RNF115: variants seen among roughly 807,000 people sequenced by gnomAD.
The protein encoded by RNF115 is ring finger protein 115, also known as E3 ubiquitin-protein ligase RNF115.
RNF115 carries 31 observed loss-of-function variants against 39.2 expected under a neutral mutation model. The observed-to-expected ratio is 0.79, with a 90% CI of 0.59 to 1.07. The LOEUF is 1.07. RNF115 is among the 50% of genes least tolerant of loss of function. The pLI is 0.00. For synonymous variants in RNF115, 124 were observed against 131.0 expected, an observed-to-expected ratio of 0.95 and a Z score of 0.37; for missense variants, 384 against 381.7, an observed-to-expected ratio of 1.01 and a Z score of -0.05.
At chr1:145,766,604 G>A (rs1647288992) in intron 4 of RNF115, among the ~76,000 whole-genome samples, 1 of 151,292 alleles carries the variant, frequency 6.6e-6, no homozygotes, top group Non-Finnish European at 1.5e-5. Context: ...CCCGGACGGG[G>A]CGGCTGGCCG....
At chr1:145,760,835 C>T (rs1342151272) in intron 4 of RNF115, among the ~76,000 whole-genome samples, 1 of 152,166 alleles carries the variant, frequency 6.6e-6, no homozygotes, top group Non-Finnish European at 1.5e-5. Context: ...GTTTGAAGGG[C>T]TCAGAAGAAG....
intron 2 of RNF115, among the ~76,000 whole-genome samples, chr1:145,787,891 AAAAAAAG>A (rs587656377): frequency 4.5e-4 from 69 of 152,294 alleles, no homozygotes; most frequent in African/African-American, 1.6e-3. Context: ...CTGTCTCAAA[AAAAAAAG>A]AAAAAAGAAA....
intron 3 of RNF115, chr1:145,772,157 C>A: frequency 2.4e-6 from 1 of 424,152 alleles, no homozygotes; most frequent in East Asian, 4.2e-5. Context: ...TTTAAACACC[C>A]ACCAAGTGTT....
At chr1:145,786,276 A>G (rs782728590) in intron 2 of RNF115, among the ~76,000 whole-genome samples, 3 of 152,300 alleles carry the variant, frequency 2.0e-5, no homozygotes, top group Admixed American at 2.0e-4. Flanking sequence ...CCATTATCTA[A>G]TATTTACATG....
chr1:145,775,392 T>TGGG (rs770661577), intron 3 of RNF115, among the ~76,000 whole-genome samples: 1 of 150,420 alleles, frequency 6.6e-6, no homozygotes, highest in Non-Finnish European at 1.5e-5. Flanking sequence ...TTTGTGAATG[T>TGGG]GGCCTTTTTT....
At chr1:145,782,457 A>T (rs374381540) in intron 3 of RNF115, among the ~76,000 whole-genome samples, 15 of 149,480 alleles carry the variant, frequency 1.0e-4, no homozygotes, top group African/African-American at 3.5e-4. Context: ...TCTCTTAAAA[A>T]CACACACACA....
At chr1:145,812,637 G>A (rs1553722844) in intron 1 of RNF115, among the ~76,000 whole-genome samples, 2 of 149,862 alleles carry the variant, frequency 1.3e-5, no homozygotes, top group Non-Finnish European at 3.0e-5. Flanking sequence ...TCCAGCCTGG[G>A]TGACAGAGTG....
At chr1:145,747,904 TA>T in intron 8 of RNF115, 90 bp downstream of exon 8, 1 of 903,758 alleles carries the variant, frequency 1.1e-6, no homozygotes. Context: ...ATTTATGGGA[TA>T]AAATCTGATC....
rs1278648265 is a variant in RNF115 at position 145,744,884 on chromosome 1, T to C, written c.*1982A>G. The C allele has an allele frequency of 6.6e-6, 1 of 152,156 alleles. No individual in the cohort carries two copies. Among genetic ancestry groups the C allele is most frequent in the Non-Finnish European group, 1.5e-5 (1 of 68,032 alleles). The allele number at this position is 152,156 out of a possible 1,614,324, so 9.4% of individuals were successfully genotyped here. ...ATTTATCCAATGTTAAACACTTGAA[T>C]GCTACAAAGAGCATGTGCATGGGAC... On this transcript the variant is annotated 3_prime_UTR_variant, in exon 9 of 9. Transcript: ENST00000582693.
intron 6 of RNF115, 56 bp from the exon 7 acceptor site, chr1:145,750,556 G>GCAGTTCCCTCTCC: frequency 5.3e-6 from 7 of 1,332,822 alleles, no homozygotes; most frequent in Non-Finnish European, 7.5e-6. Flanking sequence ...TATCCCTGGA[G>GCAGTTCCCTCTCC]AGGGAACTGC....
Position 145,751,455 on chromosome 1 carries a change from C to CA in RNF115, c.555dup (p.Asp186Ter). 1 of 1,588,794 alleles carries CA rather than the reference C, an allele frequency of 6.3e-7. No homozygotes were observed. The highest frequency in any genetic ancestry group is 8.6e-7 in the Non-Finnish European group (1 of 1,166,964). ...CTCCTCACCTGGGTTACAATGGCAT[C>CA]AAGCCCTGTCTGACCCCAGGCATAG... On this transcript the variant is annotated frameshift_variant, in exon 6 of 9. Transcript: ENST00000582693. LOFTEE classifies it high-confidence loss of function.
At chr1:145,823,485 G>A (rs1650391920) in intron 1 of RNF115, among the ~76,000 whole-genome samples, 1 of 133,388 alleles carries the variant, frequency 7.5e-6, no homozygotes, top group East Asian at 2.3e-4. Flanking sequence ...TGAGGGGAGA[G>A]TTATCAGAGG....
chr1:145,762,012 T>C (rs1476937399), intron 4 of RNF115, among the ~76,000 whole-genome samples: 2 of 152,206 alleles, frequency 1.3e-5, no homozygotes, highest in Non-Finnish European at 2.9e-5. Flanking sequence ...TCCTGCTGGA[T>C]TTTGGACATG....
chr1:145,775,537 A>G (rs1206561520), intron 3 of RNF115, among the ~76,000 whole-genome samples: 1 of 151,724 alleles, frequency 6.6e-6, no homozygotes. Context: ...CTAGGACTAC[A>G]GGGATGTACC....
intron 2 of RNF115, among the ~76,000 whole-genome samples, chr1:145,787,312 A>G (rs10910837): frequency 0.54 from 82,052 of 152,130 alleles, 23,699 homozygotes; most frequent in African/African-American, 0.74. Flanking sequence ...AGTGGCTCAC[A>G]CTTGTAATCC....
chr1:145,752,787 C>T lies in RNF115; in HGVS notation c.500+191G>A, dbSNP rs587771003. ...TATTTTTAGTAGAGACGGGGTTTCA[C>T]CATGTTAGCCAGGATGGCCTCGATC... On this transcript the variant is annotated intron_variant, in intron 5 of 8. Coordinates refer to ENST00000582693, the MANE Select transcript of RNF115 (RefSeq NM_014455.4). 1.8e-4 allele frequency among the ~76,000 whole-genome samples: 27 copies of T among 152,024 alleles called. 1 individual carries two copies. In the East Asian group the frequency reaches 4.4e-3, roughly 25 times the overall value.
intron 4 of RNF115, among the ~76,000 whole-genome samples, chr1:145,767,421 C>T (rs587677828): frequency 4.6e-5 from 7 of 151,512 alleles, no homozygotes; most frequent in Non-Finnish European, 1.0e-4. Flanking sequence ...GATGGGCGGC[C>T]GGGCAGAGAC....
intron 3 of RNF115, among the ~76,000 whole-genome samples, chr1:145,781,335 C>T (rs1197706881): frequency 6.6e-6 from 1 of 151,984 alleles, no homozygotes; most frequent in Non-Finnish European, 1.5e-5. Context: ...AAGTCTTTGC[C>T]GAAATTACCA....
chr1:145,757,873 G>T (rs1296356260), intron 4 of RNF115, among the ~76,000 whole-genome samples: 1 of 152,112 alleles, frequency 6.6e-6, no homozygotes, highest in Admixed American at 6.6e-5. Flanking sequence ...TATACCTGAG[G>T]AACTATACCC....
Sources: allele counts gnomAD v4.1 joint callset (sites outside exome capture counted in the v4.1 genomes callset), GRCh38; gene constraint gnomAD v4.1.1; transcripts MANE v1.5; gene names NCBI Gene and HGNC (gene_info 2026-07-23, HGNC 2026-07-21).